The following ALS2 variants were observed in gnomAD, a reference collection of about 807,000 sequenced individuals.
The protein encoded by ALS2 is alsin Rho guanine nucleotide exchange factor ALS2, also known as alsin.
A neutral mutation model predicts 203.4 loss-of-function variants in ALS2; 117 were observed. The ratio of observed to expected loss-of-function variants is 0.58; its 90% CI spans 0.50 to 0.67. ALS2 has a LOEUF of 0.67. Ranked by LOEUF, ALS2 falls within the 30% of genes least tolerant of loss-of-function variation. The pLI is 0.00. For missense variants in ALS2, 1,715 were observed against 1,989.4 expected (o/e 0.86, Z 2.62); for synonymous variants, 718 against 725.9 (o/e 0.99, Z 0.17).
chr2:201,711,093 A>G lies in ALS2; in HGVS notation c.4020T>C (p.Ser1340=), dbSNP rs1269986433. The G allele has an allele frequency of 1.2e-6, 2 of 1,602,348 alleles. No individual in the cohort carries two copies. The highest frequency in any genetic ancestry group is 1.7e-6 in the Non-Finnish European group (2 of 1,169,694). The change falls in exon 26 of 34, where the codon AGT becomes AGC. Residue 1340 remains serine, a synonymous_variant. Transcript: ENST00000264276. ...RQHRDSPEIL[S]RSQTQTLESL... ...TCTCTAGTGTCTGAGTCTGTGAACGACTCAGTATTTCTGGACTATAAAAAG... is the reference window on the plus strand; with the variant it reads ...TCTCTAGTGTCTGAGTCTGTGAACGGCTCAGTATTTCTGGACTATAAAAAG...
At chr2:201,705,065 G>C in intron 31 of ALS2, 74 bp downstream of exon 31, 1 of 1,415,502 alleles carries the variant, frequency 7.1e-7, no homozygotes, top group African/African-American at 1.4e-5. Context: ...GTAAAGATAA[G>C]ATCATATTAA....
intron 24 of ALS2, among the ~76,000 whole-genome samples, 173 bp from the exon 25 acceptor site, chr2:201,716,012 T>C (rs1690367381): frequency 6.6e-6 from 1 of 152,248 alleles, no homozygotes; most frequent in Non-Finnish European, 1.5e-5. Context: ...GGAATGTTTT[T>C]TAGCTAATTA....
chr2:201,770,055 C>A (rs578027351), intron 1 of ALS2, among the ~76,000 whole-genome samples: 1 of 152,302 alleles, frequency 6.6e-6, no homozygotes, highest in Non-Finnish European at 1.5e-5. Flanking sequence ...TTAATAAATA[C>A]AATTAAGTGC....
intron 3 of ALS2, among the ~76,000 whole-genome samples, chr2:201,764,634 A>AAAATAAAT (rs201734315): frequency 0.04 from 5,722 of 142,208 alleles, 134 homozygotes; most frequent in African/African-American, 0.059. Context: ...ACTCCGTCTC[A>AAAATAAAT]AAATAAATAA....
intron 12 of ALS2, among the ~76,000 whole-genome samples, chr2:201,733,898 T>C (rs888493282): frequency 1.3e-5 from 2 of 152,244 alleles, no homozygotes; most frequent in Non-Finnish European, 2.9e-5. Context: ...TTCTAATTTC[T>C]TCTTTTTTCC....
rs187637699 is a variant in ALS2, at chr2:201,726,784, C to T, written c.3062G>A (p.Ser1021Asn). The T allele has an allele frequency of 2.0e-5, 32 of 1,614,108 alleles. No individual in the cohort carries two copies. The Admixed American group carries it at 2.5e-4, about 13-fold the overall frequency. The change falls in exon 18 of 34, where the codon AGC becomes AAC. Residue 1021 changes from serine (S) to asparagine (N), a missense_variant. By Grantham distance (46) the Ser-to-Asn change is conservative. Around this residue, in one of 3 missense-constraint regions of ALS2, gnomAD observed 1,227 missense variants for 1,413.5 expected, o/e 0.87. Transcript: ENST00000264276. ...MSDLPPYGSG[S>N]SVQRQEPPIS... The stretch of plus-strand genomic sequence containing the variant: ...GGGTGGTTCCTGTCTCTGAACACTG[C>T]TACCACTTCCATAAGGGGGGAGATC...
At chr2:201,724,017 C>T (rs1047791571) in intron 21 of ALS2, among the ~76,000 whole-genome samples, 1 of 152,102 alleles carries the variant, frequency 6.6e-6, no homozygotes. Flanking sequence ...ACTTGGTAGA[C>T]TGAGGTAGGA....
rs778055658 is a variant in ALS2, at chr2:201,746,645, C to G, written c.1919G>C (p.Arg640Pro). The G allele has an allele frequency of 6.2e-7, 1 of 1,614,128 alleles. No homozygotes were observed. The highest frequency in any genetic ancestry group is 1.3e-5 in the African/African-American group (1 of 75,034). ...GTTGTCACCTTCTGTAGGGTCCTGT[C>G]GGCCACTGTAATATAACCCAGGCTG... The part of the protein sequence containing the change: ...DFQPGLYYSG[R>P]QDPTEGDNLP... Residue 640 changes from arginine to proline, a missense_variant, in exon 9 of 34, where the codon CGA becomes CCA. Arg to Pro is a moderately radical substitution (Grantham distance 103). Around this residue, in one of 3 missense-constraint regions of ALS2, gnomAD observed 1,227 missense variants for 1,413.5 expected, o/e 0.87. Coordinates refer to ENST00000264276, the MANE Select transcript of ALS2 (RefSeq NM_020919.4).
intron 23 of ALS2, among the ~76,000 whole-genome samples, chr2:201,721,672 AT>A (rs78740524): frequency 0.38 from 56,698 of 150,482 alleles, 11,215 homozygotes; most frequent in East Asian, 0.64. Flanking sequence ...TAAAACTTTC[AT>A]TTTTTTTTTA....
Position 201,701,800 on chromosome 2 carries a change from G to A in ALS2, c.*51C>T. The A allele has an allele frequency of 6.4e-7, 1 of 1,555,652 alleles. No individual in the cohort carries two copies. Among genetic ancestry groups the A allele is most frequent in the Non-Finnish European group, 8.9e-7 (1 of 1,127,242 alleles). On this transcript the variant is annotated 3_prime_UTR_variant, in exon 34 of 34. Coordinates refer to ENST00000264276, the MANE Select transcript of ALS2 (RefSeq NM_020919.4). ...TGCCACTACAGGAAGACTCCAGATGGTGTTATAACACTCTGTAGTAGATAA... is the reference window on the plus strand; with the variant it reads ...TGCCACTACAGGAAGACTCCAGATGATGTTATAACACTCTGTAGTAGATAA...
Position 201,744,348 on chromosome 2 carries a change from T to A in ALS2, c.2080A>T (p.Ser694Cys), listed in dbSNP as rs554264439. The change falls in exon 10 of 34, where the codon AGT (serine) becomes TGT (cysteine). Residue 694 changes from serine to cysteine, a missense_variant. Ser to Cys is a moderately radical substitution (Grantham distance 112, BLOSUM62 -1). This residue lies in a region of ALS2 where 1,227 missense variants were observed against 1,413.5 expected (regional missense o/e 0.87). Coordinates refer to ENST00000264276, the MANE Select transcript of ALS2 (RefSeq NM_020919.4). ...VDKNIMGYIA[S>C]LHELATTERR... Reference sequence around the variant, plus strand: ...TCTGTAGTAGCTAACTCGTGGAGACTGGCAATATACCCCATAATGTTTTTA... The same window carrying A: ...TCTGTAGTAGCTAACTCGTGGAGACAGGCAATATACCCCATAATGTTTTTA... 5 of 1,614,074 alleles carry A rather than the reference T, an allele frequency of 3.1e-6. No homozygotes were observed. Among genetic ancestry groups the A allele is most frequent in the Non-Finnish European group, 3.4e-6 (4 of 1,179,918 alleles).
intron 24 of ALS2, among the ~76,000 whole-genome samples, chr2:201,717,577 T>G (rs1038306792): frequency 6.7e-6 from 1 of 148,342 alleles, no homozygotes; most frequent in Non-Finnish European, 1.5e-5. Context: ...CAGACAAGAC[T>G]ACAGATTTAG....
At chr2:201,780,629 G>C (rs756026330) in intron 1 of ALS2, among the ~76,000 whole-genome samples, 3 of 152,354 alleles carry the variant, frequency 2.0e-5, no homozygotes, top group South Asian at 4.1e-4. Flanking sequence ...GGGAGAGACC[G>C]GGGCAAGTGG....
At chr2:201,756,590 T>G (rs2106078311) in intron 5 of ALS2, among the ~76,000 whole-genome samples, 1 of 152,356 alleles carries the variant, frequency 6.6e-6, no homozygotes, top group Non-Finnish European at 1.5e-5. Flanking sequence ...GGGATATAGC[T>G]TCACTCATTC....
chr2:201,738,813 TA>T (rs1692054042), intron 11 of ALS2, 78 bp from the exon 12 acceptor site: 2 of 1,206,064 alleles, frequency 1.7e-6, no homozygotes, highest in Admixed American at 3.6e-5. Flanking sequence ...ATACCTGGAA[TA>T]GATAATTCTT....
intron 10 of ALS2, among the ~76,000 whole-genome samples, chr2:201,742,605 G>A (rs1473210685): frequency 6.6e-6 from 1 of 152,126 alleles, no homozygotes; most frequent in East Asian, 1.9e-4. Context: ...GCAAAGTCCT[G>A]GAGTGTTCAG....
Position 201,741,916 on chromosome 2 carries a change from G to A in ALS2, c.2171-62C>T, listed in dbSNP as rs3731703. On this transcript the variant is annotated intron_variant, in intron 10 of 33. Transcript: ENST00000264276. ...TGAAAACCGATCACTTTATTATGAT[G>A]TGATTATGATTATGAATTCCTCTAA... 863,777 of 1,372,486 alleles carry A rather than the reference G, an allele frequency of 0.63. 282,438 individuals are homozygous for A. The highest frequency in any genetic ancestry group is 0.73 in the Admixed American group (38,617 of 53,256). The allele number at this position is 1,372,486 out of a possible 1,614,324, so 85.0% of individuals were successfully genotyped here.
At position 201,741,867 on chromosome 2, in the gene ALS2, A is replaced by AATG. The variant is rs779494576; in HGVS notation, c.2171-16_2171-14dup. On this transcript the variant is annotated splice_polypyrimidine_tract_variant and intron_variant, in intron 10 of 33. Coordinates refer to ENST00000264276, the MANE Select transcript of ALS2 (RefSeq NM_020919.4). ...GTGCCCAAATTTTCTATAACAAAATAATGATGATGATGACAACACAAACTG... is the reference window on the plus strand; with the variant it reads ...GTGCCCAAATTTTCTATAACAAAATAATGATGATGATGATGACAACACAAACTG... 5 of 1,602,440 alleles carry AATG rather than the reference A, an allele frequency of 3.1e-6. No homozygotes were observed. Among genetic ancestry groups the AATG allele is most frequent in the Admixed American group, 1.7e-5 (1 of 59,740 alleles).
chr2:201,715,588 A>G, intron 25 of ALS2, 84 bp downstream of exon 25: 1 of 1,499,506 alleles, frequency 6.7e-7, no homozygotes, highest in Non-Finnish European at 9.2e-7. Flanking sequence ...TTTAAATTAA[A>G]TGTGGTGAGC....
Sources: gnomAD v4.1 joint callset for allele counts (sites outside exome capture counted in the v4.1 genomes callset) on GRCh38, gnomAD v4.1.1 for gene constraint, gnomAD v4.1.1 regional missense constraint, MANE v1.5 for transcripts, NCBI Gene and HGNC (gene_info 2026-07-23, HGNC 2026-07-21) for gene names.